C7orf78: variants seen among roughly 807,000 people sequenced by gnomAD.
The protein encoded by C7orf78 is putative uncharacterized protein C7orf78.
At chr7:12,498,472 G>A in the C7orf78 span, among the ~76,000 whole-genome samples, 1 of 151,854 alleles carries the variant, frequency 6.6e-6, no homozygotes, top group Non-Finnish European at 1.5e-5. Context: ...TCAACTGGAA[G>A]AAAGGGTATC....
At chr7:12,539,233 G>C in the C7orf78 span, among the ~76,000 whole-genome samples, 2 of 152,168 alleles carry the variant, frequency 1.3e-5, no homozygotes, top group Non-Finnish European at 2.9e-5. Context: ...GGGAGGCCAA[G>C]GTGGGCGGAT....
the C7orf78 span, chr7:12,491,937 T>C: frequency 6.6e-6 from 1 of 152,216 alleles, no homozygotes; most frequent in Admixed American, 6.5e-5. Flanking sequence ...TCGGTTATAA[T>C]AATCTTGAGT....
At chr7:12,522,809 A>C in the C7orf78 span, among the ~76,000 whole-genome samples, 1 of 152,194 alleles carries the variant, frequency 6.6e-6, no homozygotes, top group Non-Finnish European at 1.5e-5. Flanking sequence ...AAATATTTGC[A>C]GCAATGATAT....
chr7:12,529,676 A>C, the C7orf78 span, among the ~76,000 whole-genome samples: 1 of 152,190 alleles, frequency 6.6e-6, no homozygotes, highest in African/African-American at 2.4e-5. Flanking sequence ...GAAATGCAGG[A>C]CATCTCGAAG....
the C7orf78 span, among the ~76,000 whole-genome samples, chr7:12,502,459 G>A: frequency 4.6e-5 from 7 of 151,784 alleles, no homozygotes; most frequent in Middle Eastern, 3.4e-3. Context: ...AGACATTTAT[G>A]CAGCCAAAAA....
chr7:12,525,008 TA>T, the C7orf78 span, among the ~76,000 whole-genome samples: 2 of 152,196 alleles, frequency 1.3e-5, no homozygotes, highest in African/African-American at 4.8e-5. Context: ...TGTTACAAAT[TA>T]AACCTCAGTG....
the C7orf78 span, among the ~76,000 whole-genome samples, chr7:12,510,239 A>C: frequency 2.6e-5 from 4 of 151,962 alleles, no homozygotes; most frequent in Non-Finnish European, 4.4e-5. Flanking sequence ...ACGATCCAGC[A>C]GTGGCAGGAT....
At chr7:12,531,787 C>G in the C7orf78 span, among the ~76,000 whole-genome samples, 1 of 152,034 alleles carries the variant, frequency 6.6e-6, no homozygotes. Context: ...ATTCAGGACA[C>G]AGACACATGT....
chr7:12,501,715 G>A, the C7orf78 span, among the ~76,000 whole-genome samples: 12 of 149,628 alleles, frequency 8.0e-5, no homozygotes, highest in Admixed American at 6.7e-5. Context: ...TTTATTCACA[G>A]AATTGGAAAA....
the C7orf78 span, among the ~76,000 whole-genome samples, chr7:12,516,946 A>T: frequency 7.9e-5 from 12 of 152,094 alleles, no homozygotes; most frequent in Non-Finnish European, 1.6e-4. Flanking sequence ...GAGACTTTGG[A>T]CTGTAGACTT....
chr7:12,513,788 C>G, the C7orf78 span, among the ~76,000 whole-genome samples: 1 of 152,088 alleles, frequency 6.6e-6, no homozygotes, highest in Non-Finnish European at 1.5e-5. Flanking sequence ...ATCACGACGT[C>G]AGGAGATTGA....
At chr7:12,487,960 T>C in the C7orf78 span, among the ~76,000 whole-genome samples, 1 of 152,048 alleles carries the variant, frequency 6.6e-6, no homozygotes, top group Non-Finnish European at 1.5e-5. Context: ...CCAACTAATT[T>C]ATAAACATTA....
chr7:12,495,927 A>G, the C7orf78 span, among the ~76,000 whole-genome samples: 2 of 151,028 alleles, frequency 1.3e-5, no homozygotes, highest in Non-Finnish European at 3.0e-5. Flanking sequence ...AACTCAAAAA[A>G]AATTTTTTTT....
At chr7:12,487,543 A>G in the C7orf78 span, among the ~76,000 whole-genome samples, 2 of 152,086 alleles carry the variant, frequency 1.3e-5, no homozygotes, top group African/African-American at 4.8e-5. Context: ...ACATAATAAC[A>G]ACAAAACAGA....
At chr7:12,507,088 C>A in the C7orf78 span, 2 of 299,010 alleles carry the variant, frequency 6.7e-6, no homozygotes, top group South Asian at 2.8e-5. Context: ...ATCAGGAGGT[C>A]AAGAGATCGA....
At chr7:12,512,466 T>C in the C7orf78 span, among the ~76,000 whole-genome samples, 1 of 152,302 alleles carries the variant, frequency 6.6e-6, no homozygotes, top group East Asian at 1.9e-4. Context: ...TTGTCCTTCA[T>C]TCTGTTGATG....
chr7:12,490,556 G>A, the C7orf78 span, among the ~76,000 whole-genome samples: 21 of 152,212 alleles, frequency 1.4e-4, no homozygotes, highest in African/African-American at 4.3e-4. Flanking sequence ...CTTTAGTAGG[G>A]ATAGGATATG....
chr7:12,503,551 G>T, the C7orf78 span, among the ~76,000 whole-genome samples: 48 of 151,714 alleles, frequency 3.2e-4, no homozygotes, highest in Non-Finnish European at 5.7e-4. Flanking sequence ...CTGGATGATG[G>T]TTACATGGGG....
the C7orf78 span, among the ~76,000 whole-genome samples, chr7:12,508,424 T>C: frequency 1.3e-3 from 198 of 152,302 alleles, 3 homozygotes; most frequent in East Asian, 2.7e-3. Context: ...ATGATGCTTA[T>C]GTGGTAAATA....
Sources: gnomAD v4.1 joint callset for allele counts (sites outside exome capture counted in the v4.1 genomes callset) on GRCh38, gnomAD v4.1.1 for gene constraint, MANE v1.5 for transcripts, NCBI Gene and HGNC (gene_info 2026-07-23, HGNC 2026-07-21) for gene names.